CCDC169: variants seen among roughly 807,000 people sequenced by gnomAD.
CCDC169 encodes the protein coiled-coil domain containing 169.
Under a neutral mutation model 36.0 loss-of-function variants are expected in CCDC169, and 30 were observed. The observed-to-expected ratio is 0.83, with a 90% CI of 0.62 to 1.13. The LOEUF (loss-of-function observed/expected upper bound fraction) is 1.13. CCDC169 is among the 50% of genes most tolerant of loss of function. The pLI is 0.00. For synonymous variants in CCDC169, 85 were observed against 81.5 expected, an observed-to-expected ratio of 1.04 and a Z score of -0.23; for missense variants, 245 against 245.9, an observed-to-expected ratio of 1.00 and a Z score of 0.03.
chr13:36,260,014 C>G (rs1020150577), intron 4 of CCDC169, among the ~76,000 whole-genome samples: 3 of 152,248 alleles, frequency 2.0e-5, no homozygotes, highest in Non-Finnish European at 4.4e-5. Context: ...TGCCCCAGCT[C>G]AGTCCCTCTC....
chr13:36,281,466 G>T (rs1877530034), intron 4 of CCDC169, among the ~76,000 whole-genome samples: 1 of 151,968 alleles, frequency 6.6e-6, no homozygotes, highest in Non-Finnish European at 1.5e-5. Flanking sequence ...AAAAAAGTTG[G>T]AGGCACCAAC....
chr13:36,258,278 CTGCTCCCCTACAGAGGTTTTTG>C (rs1186735781), intron 4 of CCDC169, among the ~76,000 whole-genome samples: 3 of 152,180 alleles, frequency 2.0e-5, no homozygotes, highest in Non-Finnish European at 4.4e-5. Flanking sequence ...CTGCTGAGTC[CTGCTCCCCTACAGAGGTTTTTG>C]TCAGAGGCAT....
chr13:36,283,598 A>T lies in CCDC169; in HGVS notation c.268T>A (p.Ser90Thr), dbSNP rs866129160. 1 of 1,551,286 alleles carries T rather than the reference A, an allele frequency of 6.4e-7. No individual in the cohort carries two copies. Among genetic ancestry groups the T allele is most frequent in the Middle Eastern group, 1.7e-4 (1 of 5,986 alleles). ...KEKVEKIHGN[S>T]SDRLSSIRVY... ...CATATGATTGGTTTTGTACCTGAAG[A>T]GTTTCCATGGATTTTTTCCACTTTC... The change falls in exon 3 of 8, where the codon TCT becomes ACT. Residue 90 changes from serine to threonine, a missense_variant. Transcript: ENST00000239859.
chr13:36,285,775 C>G (rs930499499), intron 2 of CCDC169, among the ~76,000 whole-genome samples: 26 of 152,120 alleles, frequency 1.7e-4, no homozygotes, highest in African/African-American at 6.0e-4. Flanking sequence ...CCAACATCAA[C>G]ATGGGACAAC....
At chr13:36,286,621 T>G (rs1033831157) in intron 2 of CCDC169, among the ~76,000 whole-genome samples, 29 of 152,062 alleles carry the variant, frequency 1.9e-4, no homozygotes, top group Non-Finnish European at 2.9e-5. Flanking sequence ...TCTCTTTCTC[T>G]CTCTCTTTCC....
chr13:36,276,985 A>G (rs1876907817), intron 4 of CCDC169, among the ~76,000 whole-genome samples: 1 of 152,214 alleles, frequency 6.6e-6, no homozygotes. Flanking sequence ...TTTAATATAC[A>G]TTAGTATACA....
At chr13:36,244,448 C>A (rs1241359586) in intron 7 of CCDC169, 1 of 152,106 alleles carries the variant, frequency 6.6e-6, no homozygotes, top group Non-Finnish European at 1.5e-5. Context: ...ACTTCATGTA[C>A]TGTCATACCT....
chr13:36,254,715 A>G (rs547261645), intron 4 of CCDC169, among the ~76,000 whole-genome samples: 1 of 152,250 alleles, frequency 6.6e-6, no homozygotes, highest in South Asian at 2.1e-4. Flanking sequence ...CAAACCTAAC[A>G]CTCTCTATCA....
rs1873523045 is a variant in CCDC169, at chr13:36,254,129, T to C, written c.330A>G (p.Thr110=). The C allele has an allele frequency of 1.3e-6, 2 of 1,540,960 alleles. No individual in the cohort carries two copies. Among genetic ancestry groups the C allele is most frequent in the African/African-American group, 2.8e-5 (2 of 72,472 alleles). The part of the protein sequence containing the change: ...YERMPVESLN[T]LLKQLEEEKK... ...TTTCTTCTTCTAGCTGTTTAAGTAA[T>C]GTGTTTAAGGATTCCTAAAAATATA... Residue 110 remains threonine, a synonymous_variant, in exon 5 of 8, where the codon ACA becomes ACG. Coordinates refer to ENST00000239859, the MANE Select transcript of CCDC169 (RefSeq NM_001144981.3).
At chr13:36,255,794 C>A (rs1349185770) in intron 4 of CCDC169, among the ~76,000 whole-genome samples, 9 of 152,122 alleles carry the variant, frequency 5.9e-5, no homozygotes, top group Non-Finnish European at 1.2e-4. Flanking sequence ...AAGAAGGATG[C>A]ACCTAAGCTA....
downstream of CCDC169, among the ~76,000 whole-genome samples, chr13:36,228,097 T>C (rs952797368): frequency 6.6e-6 from 1 of 152,224 alleles, no homozygotes; most frequent in Non-Finnish European, 1.5e-5. Flanking sequence ...TGTTTCGACT[T>C]CTTGACTATT....
intron 4 of CCDC169, chr13:36,280,313 G>T (rs1347357256): frequency 6.6e-6 from 1 of 152,090 alleles, no homozygotes; most frequent in Non-Finnish European, 1.5e-5. Context: ...AAGTCAAAAA[G>T]GGACAAAGAT....
intron 2 of CCDC169, among the ~76,000 whole-genome samples, chr13:36,294,811 A>T (rs1425684771): frequency 6.6e-6 from 1 of 152,162 alleles, no homozygotes; most frequent in Non-Finnish European, 1.5e-5. Context: ...TAATTAGAAC[A>T]GAACAGAACA....
intron 7 of CCDC169, among the ~76,000 whole-genome samples, chr13:36,245,801 C>G (rs1481164558): frequency 6.6e-6 from 1 of 152,168 alleles, no homozygotes; most frequent in Admixed American, 6.5e-5. Context: ...GCATTTTTTA[C>G]AAATTGAAGA....
intron 4 of CCDC169, among the ~76,000 whole-genome samples, chr13:36,256,371 T>C (rs1356447749): frequency 6.6e-6 from 1 of 152,080 alleles, no homozygotes; most frequent in Non-Finnish European, 1.5e-5. Context: ...AAACTTATAA[T>C]CATGGTGGAA....
downstream of CCDC169, chr13:36,227,136 G>A (rs1463580238): frequency 4.8e-6 from 5 of 1,040,792 alleles, no homozygotes; most frequent in East Asian, 1.1e-4. Flanking sequence ...TCCTGGGGGA[G>A]GCTTAAAGAA....
intron 4 of CCDC169, among the ~76,000 whole-genome samples, chr13:36,276,032 G>C (rs1183021870): frequency 2.0e-5 from 3 of 152,122 alleles, no homozygotes; most frequent in Non-Finnish European, 1.5e-5. Flanking sequence ...CTTTCTTCAG[G>C]CTTCTCTTGC....
chr13:36,255,329 G>T (rs1873730812), intron 4 of CCDC169, among the ~76,000 whole-genome samples: 1 of 152,118 alleles, frequency 6.6e-6, no homozygotes, highest in Non-Finnish European at 1.5e-5. Context: ...GTCAGCTACA[G>T]CTTCGGGAAC....
intron 4 of CCDC169, among the ~76,000 whole-genome samples, chr13:36,255,659 T>TTAAAA (rs564217685): frequency 2.4e-5 from 3 of 124,606 alleles, no homozygotes; most frequent in Non-Finnish European, 4.9e-5. Context: ...CAAGGCTCCA[T>TTAAAA]AAAAAAAAAA....
Sources: gnomAD v4.1 joint callset for allele counts (sites outside exome capture counted in the v4.1 genomes callset) on GRCh38, gnomAD v4.1.1 for gene constraint, MANE v1.5 for transcripts, NCBI Gene and HGNC (gene_info 2026-07-23, HGNC 2026-07-21) for gene names.